ATRNL1: variants seen among roughly 807,000 people sequenced by gnomAD.
ATRNL1 encodes the protein attractin like 1.
Under a neutral mutation model 182.7 loss-of-function variants are expected in ATRNL1, and 95 were observed. The ratio of observed to expected loss-of-function variants is 0.52; its 90% CI spans 0.44 to 0.62. The LOEUF is 0.62. Ranked by LOEUF, ATRNL1 falls within the 20% of genes least tolerant of loss-of-function variation. The pLI is 0.00. For missense variants in ATRNL1, 1,471 were observed against 1,679.5 expected (o/e 0.88, Z 2.17); for synonymous variants, 576 against 568.3 (o/e 1.01, Z -0.19).
intron 27 of ATRNL1, among the ~76,000 whole-genome samples, chr10:115,823,197 T>A (rs1309085305): frequency 6.6e-6 from 1 of 152,184 alleles, no homozygotes; most frequent in Non-Finnish European, 1.5e-5. Context: ...TCTCAATAGA[T>A]GCAAAAAAGA....
intron 13 of ATRNL1, among the ~76,000 whole-genome samples, chr10:115,272,284 A>T (rs1303321509): frequency 6.6e-6 from 1 of 152,212 alleles, no homozygotes; most frequent in Admixed American, 6.5e-5. Context: ...GAAAGACGCC[A>T]TAAGGGATCT....
chr10:115,272,182 C>T (rs569417483), intron 13 of ATRNL1, among the ~76,000 whole-genome samples: 54 of 152,326 alleles, frequency 3.5e-4, no homozygotes, highest in Non-Finnish European at 5.9e-4. Flanking sequence ...ACTAACTAAA[C>T]CTCGTTTCTT....
At chr10:115,495,412 G>C (rs574846384) in intron 24 of ATRNL1, among the ~76,000 whole-genome samples, 2 of 152,094 alleles carry the variant, frequency 1.3e-5, no homozygotes, top group South Asian at 4.1e-4. Flanking sequence ...GTGATGTTAG[G>C]TTGTTAATTT....
chr10:115,634,369 G>A (rs1188890418), intron 26 of ATRNL1, among the ~76,000 whole-genome samples: 1 of 152,052 alleles, frequency 6.6e-6, no homozygotes, highest in Admixed American at 6.6e-5. Flanking sequence ...TTTACAGGAT[G>A]GTTCAAACAA....
At chr10:115,270,365 A>ATAAATCTTTTATATATAATATG (rs1851801181) in intron 13 of ATRNL1, among the ~76,000 whole-genome samples, 1 of 142,944 alleles carries the variant, frequency 7.0e-6, no homozygotes, top group Admixed American at 7.0e-5. Context: ...AAACAAATAT[A>ATAAATCTTTTATATATAATATG]TAAATCTATT....
intron 28 of ATRNL1, among the ~76,000 whole-genome samples, chr10:115,915,935 C>A (rs148067618): frequency 1.2e-3 from 178 of 152,324 alleles, no homozygotes; most frequent in African/African-American, 4.0e-3. Flanking sequence ...CCCATTAATT[C>A]AACCTGCAAC....
rs1268493437 is a variant in ATRNL1 at position 115,832,926 on chromosome 10, G to T, written c.3904-14951G>T. Among the ~76,000 whole-genome samples, 3 of 152,204 alleles carry T rather than the reference G, an allele frequency of 2.0e-5. No individual in the cohort carries two copies. In the South Asian group the frequency reaches 6.2e-4, roughly 32 times the overall value. ...ATCTATGGTGAAGAGATGCAATGAA[G>T]TATCAAGGTAATTCCCTTCTAAATG... On this transcript the variant is annotated intron_variant, in intron 27 of 28. Transcript: ENST00000355044.
intron 5 of ATRNL1, among the ~76,000 whole-genome samples, chr10:115,134,640 A>G (rs936887629): frequency 6.6e-5 from 10 of 152,174 alleles, no homozygotes; most frequent in Non-Finnish European, 1.3e-4. Context: ...TTCTGAAACT[A>G]TTTCAATCAA....
At chr10:115,097,639 C>A (rs536033709) in intron 1 of ATRNL1, among the ~76,000 whole-genome samples, 1 of 152,000 alleles carries the variant, frequency 6.6e-6, no homozygotes, top group East Asian at 1.9e-4. Flanking sequence ...AAAATATATG[C>A]ATATTGCCTG....
intron 24 of ATRNL1, among the ~76,000 whole-genome samples, chr10:115,471,422 C>T (rs1452317322): frequency 4.0e-5 from 6 of 150,782 alleles, no homozygotes; most frequent in Admixed American, 1.3e-4. Context: ...AATCTTCATA[C>T]GGCTTTACAT....
At chr10:115,423,742 C>A (rs1463691907) in intron 20 of ATRNL1, among the ~76,000 whole-genome samples, 2 of 151,856 alleles carry the variant, frequency 1.3e-5, no homozygotes, top group Admixed American at 6.6e-5. Context: ...TGAAACTAGA[C>A]CCCATCTGTC....
intron 1 of ATRNL1, among the ~76,000 whole-genome samples, chr10:115,110,668 TAAAA>T (rs554654663): frequency 1.2e-3 from 180 of 152,286 alleles, no homozygotes; most frequent in African/African-American, 4.1e-3. Context: ...TTACCAGCAG[TAAAA>T]ACAAATTTAG....
chr10:115,135,503 G>A (rs965756431), intron 5 of ATRNL1, among the ~76,000 whole-genome samples: 4 of 152,132 alleles, frequency 2.6e-5, no homozygotes, highest in Non-Finnish European at 5.9e-5. Flanking sequence ...TCTTCAAGGA[G>A]GACTACAAAC....
At chr10:115,695,787 T>G (rs1946538557) in intron 26 of ATRNL1, among the ~76,000 whole-genome samples, 1 of 152,176 alleles carries the variant, frequency 6.6e-6, no homozygotes, top group African/African-American at 2.4e-5. Context: ...GAAGAATGAA[T>G]GCATTGGTTT....
chr10:115,178,918 C>CTT (rs35517238), intron 8 of ATRNL1, among the ~76,000 whole-genome samples: 5 of 151,248 alleles, frequency 3.3e-5, no homozygotes, highest in East Asian at 1.9e-4. Flanking sequence ...TATAGGTACT[C>CTT]TTTTTTTTTC....
At chr10:115,214,121 A>C (rs962032134) in intron 8 of ATRNL1, among the ~76,000 whole-genome samples, 4 of 151,916 alleles carry the variant, frequency 2.6e-5, no homozygotes, top group African/African-American at 9.7e-5. Context: ...TATGTATACG[A>C]AAATATTCAG....
intron 19 of ATRNL1, among the ~76,000 whole-genome samples, chr10:115,368,366 C>T (rs1592536802): frequency 6.6e-6 from 1 of 152,222 alleles, no homozygotes; most frequent in South Asian, 2.1e-4. Context: ...GAGGCAAAGC[C>T]TCGCCCTGCT....
At chr10:115,621,821 G>T (rs1477463153) in intron 26 of ATRNL1, among the ~76,000 whole-genome samples, 1 of 152,200 alleles carries the variant, frequency 6.6e-6, no homozygotes, top group East Asian at 1.9e-4. Flanking sequence ...AATTCAAAAT[G>T]TCTCTAATAG....
chr10:115,269,811 G>C (rs1329201719), intron 13 of ATRNL1, among the ~76,000 whole-genome samples: 2 of 151,938 alleles, frequency 1.3e-5, no homozygotes. Context: ...TTGAAACTAA[G>C]TAAAAAATTT....
Sources: allele counts gnomAD v4.1 joint callset (sites outside exome capture counted in the v4.1 genomes callset), GRCh38; gene constraint gnomAD v4.1.1; transcripts MANE v1.5; gene names NCBI Gene and HGNC (gene_info 2026-07-23, HGNC 2026-07-21).